EXD3: variants seen among roughly 807,000 people sequenced by gnomAD.
EXD3 encodes exonuclease 3'-5' domain containing 3, also known as exonuclease mut-7 homolog.
In EXD3, 92 loss-of-function variants were observed where a neutral mutation model predicts 98.0. That is an observed-to-expected ratio of 0.94 (90% confidence interval 0.79 to 1.12). The LOEUF (loss-of-function observed/expected upper bound fraction) is 1.12. Ranked by LOEUF, EXD3 falls within the 50% of genes most tolerant of loss-of-function variation. The pLI, the probability that EXD3 is intolerant of heterozygous loss-of-function variation, is 0.00. For missense variants in EXD3, 1,222 were observed against 1,191.6 expected, an observed-to-expected ratio of 1.03 and a Z score of -0.38; for synonymous variants, 569 against 526.0, an observed-to-expected ratio of 1.08 and a Z score of -1.12.
chr9:137,420,016 C>T (rs944829366), intron 1 of EXD3, among the ~76,000 whole-genome samples: 4 of 151,916 alleles, frequency 2.6e-5, no homozygotes, highest in Non-Finnish European at 4.4e-5. Flanking sequence ...AAAAATTAGC[C>T]GGGCATGGTG....
chr9:137,329,636 A>G (rs201809314), intron 17 of EXD3, among the ~76,000 whole-genome samples: 16 of 2,010 alleles, frequency 8.0e-3, no homozygotes, highest in East Asian at 0.038. Context: ...ACTACACGGG[A>G]CTACACGGGA....
intron 1 of EXD3, among the ~76,000 whole-genome samples, chr9:137,419,555 G>A (rs912096370): frequency 6.6e-6 from 1 of 152,074 alleles, no homozygotes; most frequent in Non-Finnish European, 1.5e-5. Context: ...TGTAATCCCA[G>A]TTACTTGGGA....
At chr9:137,362,651 C>A (rs374315942) in intron 7 of EXD3, among the ~76,000 whole-genome samples, 1 of 152,140 alleles carries the variant, frequency 6.6e-6, no homozygotes, top group African/African-American at 2.4e-5. Flanking sequence ...TGTGAGCCAC[C>A]GTGCACGGCC....
At chr9:137,388,982 C>CA (rs1836755041) in intron 2 of EXD3, among the ~76,000 whole-genome samples, 1 of 152,204 alleles carries the variant, frequency 6.6e-6, no homozygotes, top group African/African-American at 2.4e-5. Flanking sequence ...CAGCTCCCCT[C>CA]AGAGACCCCA....
intron 1 of EXD3, among the ~76,000 whole-genome samples, chr9:137,418,814 G>A (rs767322247): frequency 7.3e-5 from 11 of 151,708 alleles, no homozygotes; most frequent in East Asian, 1.9e-4. Context: ...TTTGCCTCAC[G>A]CTGTCTTTAG....
intron 1 of EXD3, among the ~76,000 whole-genome samples, chr9:137,397,291 GAGA>G: frequency 6.6e-6 from 1 of 152,300 alleles, no homozygotes; most frequent in South Asian, 2.1e-4. Flanking sequence ...GTGAAAGCTG[GAGA>G]AGGTTGAGTC....
At chr9:137,421,163 G>A (rs1838494863) in intron 1 of EXD3, among the ~76,000 whole-genome samples, 1 of 152,136 alleles carries the variant, frequency 6.6e-6, no homozygotes, top group East Asian at 1.9e-4. Flanking sequence ...TAGTTCATAA[G>A]CATGATGATT....
chr9:137,377,146 G>A (rs2131698239), intron 3 of EXD3: 1 of 152,162 alleles, frequency 6.6e-6, no homozygotes, highest in South Asian at 2.1e-4. Flanking sequence ...GAGTCGGTGG[G>A]CAAATGCAGG....
intron 1 of EXD3, among the ~76,000 whole-genome samples, chr9:137,398,381 C>T (rs1837311916): frequency 6.6e-6 from 1 of 152,234 alleles, no homozygotes; most frequent in South Asian, 2.1e-4. Flanking sequence ...CCCTCTTGTC[C>T]CCTGTGCTCC....
chr9:137,350,156 G>T (rs1422617748), intron 14 of EXD3, among the ~76,000 whole-genome samples: 2 of 71,716 alleles, frequency 2.8e-5, no homozygotes, highest in East Asian at 9.3e-4. Flanking sequence ...CACGGGGAAG[G>T]TTCTAGATAG....
Position 137,380,067 on chromosome 9 carries a change from C to A in EXD3, c.120+3246G>T, listed in dbSNP as rs562053795. Among the ~76,000 whole-genome samples, 6 of 152,084 alleles carry A rather than the reference C, an allele frequency of 3.9e-5. No individual in the cohort carries two copies. In the East Asian group the frequency reaches 9.7e-4, roughly 25 times the overall value. The stretch of plus-strand genomic sequence containing the variant: ...CAGCTCCTGTCCTTATCTTGGTGGC[C>A]TCAATGAACGTGCCAAGACCCTTGG... On this transcript the variant is annotated intron_variant, in intron 3 of 21. Coordinates refer to ENST00000340951, the MANE Select transcript of EXD3 (RefSeq NM_017820.5).
At chr9:137,421,427 T>C (rs1838506037) in intron 1 of EXD3, among the ~76,000 whole-genome samples, 1 of 152,184 alleles carries the variant, frequency 6.6e-6, no homozygotes, top group Non-Finnish European at 1.5e-5. Context: ...TAGAGAAAAA[T>C]TATGTTTCAG....
chr9:137,396,544 G>C (rs1837226850), intron 1 of EXD3, among the ~76,000 whole-genome samples: 1 of 152,198 alleles, frequency 6.6e-6, no homozygotes, highest in East Asian at 1.9e-4. Flanking sequence ...ACGCGGCACA[G>C]TCACTTAGAG....
At chr9:137,367,484 G>C (rs928786837) in intron 6 of EXD3, 3 of 158,888 alleles carry the variant, frequency 1.9e-5, no homozygotes, top group Non-Finnish European at 4.1e-5. Context: ...CATTGTAGAA[G>C]CTTGGATCTG....
At chr9:137,317,978 G>A (rs907230750) in intron 19 of EXD3, among the ~76,000 whole-genome samples, 3 of 152,154 alleles carry the variant, frequency 2.0e-5, no homozygotes, top group Admixed American at 6.5e-5. Flanking sequence ...GACAGAGCCT[G>A]GGAGGGGTGG....
chr9:137,336,287 T>C (rs1046532377), intron 17 of EXD3, among the ~76,000 whole-genome samples: 2 of 152,224 alleles, frequency 1.3e-5, no homozygotes. Flanking sequence ...CCAAAAGCTA[T>C]TGAAATATAT....
chr9:137,345,097 C>T (rs896354426), intron 17 of EXD3, among the ~76,000 whole-genome samples: 4 of 152,268 alleles, frequency 2.6e-5, no homozygotes, highest in Non-Finnish European at 5.9e-5. Context: ...AAGTCAGCTT[C>T]TCTCTGACAG....
intron 17 of EXD3, among the ~76,000 whole-genome samples, chr9:137,337,197 A>G (rs1433639411): frequency 6.6e-6 from 1 of 152,242 alleles, no homozygotes; most frequent in Admixed American, 6.5e-5. Flanking sequence ...ACAGAAAGAT[A>G]TAAGAATTCT....
intron 1 of EXD3, among the ~76,000 whole-genome samples, chr9:137,404,157 A>G (rs945779298): frequency 1.3e-5 from 2 of 152,152 alleles, no homozygotes; most frequent in African/African-American, 4.8e-5. Flanking sequence ...GGCCCACCCC[A>G]ACGACCTCAT....
Sources: gnomAD v4.1 joint callset for allele counts (sites outside exome capture counted in the v4.1 genomes callset) on GRCh38, gnomAD v4.1.1 for gene constraint, MANE v1.5 for transcripts, NCBI Gene and HGNC (gene_info 2026-07-23, HGNC 2026-07-21) for gene names.